Variants in TSHR observed in about 807,000 individuals in gnomAD.
TSHR encodes the protein thyroid stimulating hormone receptor.
A neutral mutation model predicts 64.1 loss-of-function variants in TSHR; 51 were observed. The ratio of observed to expected loss-of-function variants is 0.80; its 90% confidence interval spans 0.64 to 1.01. The LOEUF (loss-of-function observed/expected upper bound fraction) is 1.01, where lower values mean the gene tolerates loss of function less well. TSHR is among the 50% of genes least tolerant of loss of function. The pLI is 0.00. For synonymous variants in TSHR, 361 were observed against 361.9 expected (o/e 1.00, Z 0.03); for missense variants, 877 against 942.8 (o/e 0.93, Z 0.91).
At chr14:81,051,644 A>G (rs564817007) in intron 1 of TSHR, 1 of 152,210 alleles carries the variant, frequency 6.6e-6, no homozygotes, top group South Asian at 2.1e-4. Flanking sequence ...ACTAATTCAC[A>G]TTTCCACAAC....
At chr14:81,136,421 T>C (rs1301933206) in intron 8 of TSHR, among the ~76,000 whole-genome samples, 1 of 133,898 alleles carries the variant, frequency 7.5e-6, no homozygotes, top group Admixed American at 6.8e-5. Context: ...AATCCAACAT[T>C]CCTCAAGGTT....
chr14:81,088,916 G>A (rs1041186456), intron 4 of TSHR, among the ~76,000 whole-genome samples: 1 of 151,986 alleles, frequency 6.6e-6, no homozygotes, highest in Non-Finnish European at 1.5e-5. Flanking sequence ...AATTTAGCTG[G>A]ATGGAATAGC....
intron 2 of TSHR, among the ~76,000 whole-genome samples, chr14:81,065,410 TA>T (rs1566789337): frequency 6.6e-6 from 1 of 152,062 alleles, no homozygotes; most frequent in Non-Finnish European, 1.5e-5. Flanking sequence ...TATTAAAGGA[TA>T]TCTAAGAAGA....
chr14:81,032,284 G>A (rs1215700941), intron 1 of TSHR, among the ~76,000 whole-genome samples: 1 of 152,146 alleles, frequency 6.6e-6, no homozygotes, highest in Non-Finnish European at 1.5e-5. Context: ...GAGGGTCTTT[G>A]AGGAAAACTG....
chr14:80,969,068 CAT>C (rs1294920580), intron 1 of TSHR, among the ~76,000 whole-genome samples: 2 of 152,180 alleles, frequency 1.3e-5, no homozygotes, highest in Non-Finnish European at 2.9e-5. Context: ...GGTTTTCAGA[CAT>C]GTGTATCCTA....
intron 1 of TSHR, among the ~76,000 whole-genome samples, chr14:80,972,482 A>G (rs1566742808): frequency 6.6e-6 from 1 of 152,166 alleles, no homozygotes; most frequent in East Asian, 1.9e-4. Context: ...TAAGTGAAAG[A>G]GTCAGAATTC....
chr14:81,023,169 G>T (rs1029783419), intron 1 of TSHR, among the ~76,000 whole-genome samples: 1 of 152,202 alleles, frequency 6.6e-6, no homozygotes, highest in Non-Finnish European at 1.5e-5. Flanking sequence ...AGATTGACCT[G>T]AATAGGCTAT....
At chr14:81,027,892 G>T (rs1884152704) in intron 1 of TSHR, among the ~76,000 whole-genome samples, 1 of 152,082 alleles carries the variant, frequency 6.6e-6, no homozygotes, top group African/African-American at 2.4e-5. Flanking sequence ...GAAAATGGGA[G>T]ATAATTTAAG....
chr14:80,979,935 C>G (rs905429856), intron 1 of TSHR, among the ~76,000 whole-genome samples: 20 of 152,164 alleles, frequency 1.3e-4, no homozygotes, highest in African/African-American at 4.8e-4. Flanking sequence ...GGGTCTCGGT[C>G]TCTTGAGTAA....
intron 1 of TSHR, chr14:80,992,789 G>C (rs1888807474): frequency 6.6e-6 from 1 of 152,178 alleles, no homozygotes; most frequent in Non-Finnish European, 1.5e-5. Flanking sequence ...TAAAGTCCTA[G>C]TCCAGAGGTC....
At chr14:81,111,868 T>C (rs10146801) in intron 8 of TSHR, among the ~76,000 whole-genome samples, 90,053 of 152,120 alleles carry the variant, frequency 0.59, 27,379 homozygotes, top group Middle Eastern at 0.72. Flanking sequence ...TCTGTAAACA[T>C]TATAGCACTT....
At chr14:81,011,599 A>G (rs1889911477) in intron 1 of TSHR, among the ~76,000 whole-genome samples, 1 of 151,748 alleles carries the variant, frequency 6.6e-6, no homozygotes, top group African/African-American at 2.4e-5. Context: ...TATCTATTTT[A>G]TTAGTTTTTT....
intron 8 of TSHR, among the ~76,000 whole-genome samples, chr14:81,130,970 C>G (rs1276221487): frequency 3.5e-5 from 3 of 85,060 alleles, no homozygotes; most frequent in Admixed American, 3.0e-4. Flanking sequence ...CGCAGTCCGG[C>G]CTGGGCGACA....
At chr14:80,982,956 A>C in intron 1 of TSHR, 1 of 529,632 alleles carries the variant, frequency 1.9e-6, no homozygotes. Flanking sequence ...ACTCTGAGGA[A>C]TTTGAACAAC....
At position 81,043,279 on chromosome 14, in the gene TSHR, C is replaced by T. The variant is rs577915308; in HGVS notation, c.171-18869C>T. 2.3e-4 allele frequency among the ~76,000 whole-genome samples: 35 copies of T among 152,206 alleles called. 1 individual carries two copies. In the South Asian group the frequency reaches 7.3e-3, roughly 32 times the overall value. On this transcript the variant is annotated intron_variant, in intron 1 of 9. Transcript: ENST00000298171. ...TCAATATTCAAAAATCACTAGCATT[C>T]CTGTACACAAACAACAGGCAAGCAG...
At position 81,145,824 on chromosome 14, in the gene TSHR, T is replaced by C. The variant is rs1317292986; in HGVS notation, c.*1471T>C. On this transcript the variant is annotated 3_prime_UTR_variant, in exon 10 of 10. Coordinates refer to ENST00000298171, the MANE Select transcript of TSHR (RefSeq NM_000369.5). ...GTACTCTCCAGGTTACCTGTGATGA[T>C]AGCCCCCTAATGTCCTGCTAGAAAA... 8.6e-6 allele frequency: 2 copies of C among 232,818 alleles called. No individual in the cohort carries two copies. The highest frequency in any genetic ancestry group is 1.7e-5 in the Non-Finnish European group (2 of 117,836). The allele number at this position is 232,818 out of a possible 1,614,324, so 14.4% of individuals were successfully genotyped here.
intron 1 of TSHR, among the ~76,000 whole-genome samples, chr14:81,060,177 G>C (rs537041190): frequency 1.5e-4 from 23 of 152,156 alleles, no homozygotes; most frequent in African/African-American, 5.3e-4. Context: ...CAATCTTACC[G>C]TAAGTATGCC....
chr14:81,070,625 C>CAAA (rs60958301), intron 3 of TSHR, among the ~76,000 whole-genome samples: 1 of 15,822 alleles, frequency 6.3e-5, no homozygotes, highest in Non-Finnish European at 1.3e-4. Context: ...GATTCCATCT[C>CAAA]AAAAAAAAAA....
rs1164733359 is a variant in TSHR, at chr14:81,144,052, T to A, written c.1994T>A (p.Leu665His). Residue 665 changes from leucine (L) to histidine (H), a missense_variant, in exon 10 of 10, where the codon CTC becomes CAC. Transcript: ENST00000298171. ...TVSNSKILLV[L>H]FYPLNSCANP... ...AGCAACTCCAAAATCTTGCTGGTAC[T>A]CTTCTATCCACTTAACTCCTGTGCC... 1 of 1,614,202 alleles carries A rather than the reference T, an allele frequency of 6.2e-7. No homozygotes were observed. The highest frequency in any genetic ancestry group is 8.5e-7 in the Non-Finnish European group (1 of 1,180,052).
Sources: gnomAD v4.1 joint callset for allele counts (sites outside exome capture counted in the v4.1 genomes callset) on GRCh38, gnomAD v4.1.1 for gene constraint, MANE v1.5 for transcripts, NCBI Gene and HGNC (gene_info 2026-07-23, HGNC 2026-07-21) for gene names.